The following ATXN7L1 variants were observed in gnomAD, a reference collection of about 807,000 sequenced individuals.
The protein encoded by ATXN7L1 is ataxin 7 like 1.
Under a neutral mutation model 70.8 loss-of-function variants are expected in ATXN7L1, and 15 were observed. The ratio of observed to expected loss-of-function variants is 0.21; its 90% CI spans 0.14 to 0.33. The LOEUF is 0.33. ATXN7L1 is among the 10% of genes least tolerant of loss of function. The pLI, the probability that ATXN7L1 is intolerant of heterozygous loss-of-function variation, is 1.00. For missense variants in ATXN7L1, 975 were observed against 1,097.1 expected (o/e 0.89, Z 1.57); for synonymous variants, 440 against 445.1 (o/e 0.99, Z 0.14).
chr7:105,689,311 T>C (rs1484412839), intron 3 of ATXN7L1, among the ~76,000 whole-genome samples: 4 of 152,096 alleles, frequency 2.6e-5, no homozygotes, highest in South Asian at 2.1e-4. Context: ...TTCTAAGATA[T>C]TGGCAGGCCA....
chr7:105,703,824 C>T (rs1466215415), intron 3 of ATXN7L1, among the ~76,000 whole-genome samples: 3 of 152,184 alleles, frequency 2.0e-5, no homozygotes, highest in Admixed American at 6.5e-5. Flanking sequence ...GCGAACCTTT[C>T]GTGTCAGGTG....
intron 2 of ATXN7L1, chr7:105,820,195 C>T (rs1267853405): frequency 1.1e-5 from 3 of 263,116 alleles, no homozygotes; most frequent in Non-Finnish European, 2.2e-5. Flanking sequence ...CCATCTGTTC[C>T]TGATGCCTGT....
At chr7:105,698,678 G>T (rs745633260) in intron 3 of ATXN7L1, among the ~76,000 whole-genome samples, 2 of 152,108 alleles carry the variant, frequency 1.3e-5, no homozygotes, top group East Asian at 1.9e-4. Flanking sequence ...TTCTGGGGGA[G>T]AGTGAGTATC....
intron 3 of ATXN7L1, among the ~76,000 whole-genome samples, chr7:105,783,939 G>C (rs1803899223): frequency 6.6e-6 from 1 of 152,110 alleles, no homozygotes. Context: ...TGTGGGGTCT[G>C]TGCTAACTCT....
chr7:105,730,347 G>T (rs1037928130), intron 3 of ATXN7L1, among the ~76,000 whole-genome samples: 2 of 151,982 alleles, frequency 1.3e-5, no homozygotes, highest in Admixed American at 1.3e-4. Flanking sequence ...CAACAGAAGG[G>T]TATCCTATAA....
At chr7:105,857,237 T>C (rs1011788512) in intron 2 of ATXN7L1, among the ~76,000 whole-genome samples, 1 of 152,176 alleles carries the variant, frequency 6.6e-6, no homozygotes, top group Non-Finnish European at 1.5e-5. Context: ...CTGTGGCCCA[T>C]GTAAAACCAC....
chr7:105,666,232 T>C lies in ATXN7L1; in HGVS notation c.356-944A>G, dbSNP rs571665136. Among the ~76,000 whole-genome samples, 10 of 152,266 alleles carry C rather than the reference T, an allele frequency of 6.6e-5. No homozygotes were observed. In the East Asian group the frequency reaches 1.9e-3, roughly 29 times the overall value. Reference sequence around the variant, plus strand: ...GATTACAGGAAGGAATCCCAAACCCTAAAAAAGACAAAGCTTCCTGAAACC... The same window carrying C: ...GATTACAGGAAGGAATCCCAAACCCCAAAAAAGACAAAGCTTCCTGAAACC... On this transcript the variant is annotated intron_variant, in intron 3 of 11. Transcript: ENST00000419735.
chr7:105,634,528 C>T (rs73717209), intron 7 of ATXN7L1, among the ~76,000 whole-genome samples: 4,485 of 151,548 alleles, frequency 0.03, 232 homozygotes, highest in African/African-American at 0.1. Flanking sequence ...ATTTTTTTTT[C>T]CCTTTTGGTG....
chr7:105,726,700 G>A (rs1795856857), intron 3 of ATXN7L1, among the ~76,000 whole-genome samples: 1 of 152,142 alleles, frequency 6.6e-6, no homozygotes, highest in African/African-American at 2.4e-5. Context: ...CCCAGTGAAT[G>A]AACTCATGAG....
chr7:105,748,809 G>A (rs939051606), intron 3 of ATXN7L1, among the ~76,000 whole-genome samples: 3 of 152,220 alleles, frequency 2.0e-5, no homozygotes, highest in Admixed American at 6.5e-5. Context: ...GGCCCACCCC[G>A]GAGATAAGGA....
intron 3 of ATXN7L1, among the ~76,000 whole-genome samples, chr7:105,705,899 C>T (rs557078305): frequency 1.3e-5 from 2 of 152,342 alleles, no homozygotes; most frequent in African/African-American, 4.8e-5. Context: ...GCACCTGGCA[C>T]GTGGCTCCGT....
chr7:105,776,142 C>T (rs957502183), intron 3 of ATXN7L1, among the ~76,000 whole-genome samples: 2 of 152,184 alleles, frequency 1.3e-5, no homozygotes, highest in South Asian at 2.1e-4. Flanking sequence ...GAATTCTCCT[C>T]GGTGGATACA....
intron 3 of ATXN7L1, among the ~76,000 whole-genome samples, chr7:105,753,215 G>A (rs1397687617): frequency 6.6e-6 from 1 of 152,208 alleles, no homozygotes; most frequent in African/African-American, 2.4e-5. Context: ...TGGGAAAAGA[G>A]TTGGGGGCTG....
intron 4 of ATXN7L1, among the ~76,000 whole-genome samples, chr7:105,662,106 C>CTTTTT (rs768527097): frequency 4.0e-5 from 3 of 74,698 alleles, no homozygotes; most frequent in African/African-American, 1.3e-4. Context: ...CTTTTCTTTT[C>CTTTTT]TTTTTTTTTT....
At chr7:105,638,680 T>C (rs1797725826) in intron 6 of ATXN7L1, 71 bp from the exon 7 acceptor site, 14 of 1,457,828 alleles carry the variant, frequency 9.6e-6, no homozygotes, top group Non-Finnish European at 1.3e-5. Flanking sequence ...AGGCCCTCCA[T>C]TTCAGAAATA....
At chr7:105,675,816 C>T (rs1804553655) in intron 3 of ATXN7L1, among the ~76,000 whole-genome samples, 1 of 150,282 alleles carries the variant, frequency 6.7e-6, no homozygotes, top group African/African-American at 2.4e-5. Context: ...AAGTAGGTGC[C>T]AATACAAATG....
chr7:105,741,341 G>A (rs1170223928), intron 3 of ATXN7L1, among the ~76,000 whole-genome samples: 1 of 152,170 alleles, frequency 6.6e-6, no homozygotes, highest in African/African-American at 2.4e-5. Context: ...GGCCAACAGA[G>A]AGTCTGTCAC....
At chr7:105,772,518 A>G (rs978824529) in intron 3 of ATXN7L1, among the ~76,000 whole-genome samples, 4 of 152,252 alleles carry the variant, frequency 2.6e-5, no homozygotes, top group African/African-American at 9.6e-5. Context: ...TTGAATAGCA[A>G]TCTTAATCAG....
chr7:105,856,813 G>A (rs1815806118), intron 2 of ATXN7L1, among the ~76,000 whole-genome samples: 1 of 152,096 alleles, frequency 6.6e-6, no homozygotes, highest in Non-Finnish European at 1.5e-5. Flanking sequence ...ATGTGTGTGT[G>A]TGTGTGTGTG....
Sources: allele counts gnomAD v4.1 joint callset (sites outside exome capture counted in the v4.1 genomes callset), GRCh38; gene constraint gnomAD v4.1.1; transcripts MANE v1.5; gene names NCBI Gene and HGNC (gene_info 2026-07-23, HGNC 2026-07-21).